Variants in ARHGDIB observed in about 807,000 individuals in gnomAD.
The protein encoded by ARHGDIB is rho GDP-dissociation inhibitor 2.
A neutral mutation model predicts 22.6 loss-of-function variants in ARHGDIB; 20 were observed. The ratio of observed to expected loss-of-function variants is 0.88; its 90% CI spans 0.62 to 1.28. ARHGDIB has a LOEUF of 1.28. Among genes scored for constraint, ARHGDIB ranks in the 50% most tolerant of loss-of-function variants. The probability of loss-of-function intolerance (pLI) is 0.00; values close to 1 mark genes in which losing one functional copy is unlikely to be tolerated. For synonymous variants in ARHGDIB, 114 were observed against 96.1 expected, an observed-to-expected ratio of 1.19 and a Z score of -1.09; for missense variants, 254 against 245.4, an observed-to-expected ratio of 1.04 and a Z score of -0.23.
At chr12:14,958,266 T>A (rs1462739035) in intron 1 of ARHGDIB, among the ~76,000 whole-genome samples, 1 of 152,096 alleles carries the variant, frequency 6.6e-6, no homozygotes, top group Non-Finnish European at 1.5e-5. Flanking sequence ...GAATCCATAC[T>A]CCCCACTTTG....
intron 5 of ARHGDIB, 126 bp from the exon 6 acceptor site, chr12:14,942,847 T>C: frequency 3.7e-6 from 3 of 814,658 alleles, no homozygotes; most frequent in Non-Finnish European, 5.6e-6. Context: ...CAAGCCTAAA[T>C]AAACATTAGA....
At chr12:14,943,377 G>GTTT (rs10713403) in intron 5 of ARHGDIB, among the ~76,000 whole-genome samples, 11 of 143,906 alleles carry the variant, frequency 7.6e-5, no homozygotes, top group South Asian at 4.4e-4. Context: ...GATTAAGCCT[G>GTTT]TTTTTTTTTT....
At chr12:14,950,992 T>G in intron 1 of ARHGDIB, 1 of 265,692 alleles carries the variant, frequency 3.8e-6, no homozygotes, top group Non-Finnish European at 7.2e-6. Flanking sequence ...ATCACTCATA[T>G]GTGAATAACG....
rs369959147 is a variant in ARHGDIB at position 14,950,585 on chromosome 12, T to C, written c.128A>G (p.Glu43Gly). The C allele has an allele frequency of 1.2e-5, 20 of 1,613,932 alleles. No individual in the cohort carries two copies. The highest frequency in any genetic ancestry group is 1.6e-5 in the Non-Finnish European group (19 of 1,179,962). Residue 43 changes from glutamate to glycine, a missense_variant, in exon 2 of 6, where the codon GAG (glutamate) becomes GGG (glycine). Transcript: ENST00000228945. Reference sequence around the variant, plus strand: ...CGTTTTCTTGTACTTAATTAGACTCTCATCATCTTTGTCCATTTCCTGCAG... The same window carrying C: ...CGTTTTCTTGTACTTAATTAGACTCCCATCATCTTTGTCCATTTCCTGCAG... ...KELQEMDKDD[E>G]SLIKYKKTLL...
chr12:14,947,895 T>C lies in ARHGDIB; in HGVS notation c.320A>G (p.Tyr107Cys), dbSNP rs1356667946. 2 of 1,612,874 alleles carry C rather than the reference T, an allele frequency of 1.2e-6. No homozygotes were observed. Among genetic ancestry groups the C allele is most frequent in the African/African-American group, 1.3e-5 (1 of 74,896 alleles). ...ETIVLKEGSE[Y>C]RVKIHFKVNR... is the part of the protein sequence containing the mutation. ...TACTTTGAAGTGAATTTTGACTCTATATTCAGAACCTTCCTTTAACACAAT... is the reference window on the plus strand; with the variant it reads ...TACTTTGAAGTGAATTTTGACTCTACATTCAGAACCTTCCTTTAACACAAT... The change falls in exon 4 of 6, where the codon TAT becomes TGT. Residue 107 changes from tyrosine (Y) to cysteine (C), a missense_variant. Transcript: ENST00000228945.
At position 14,942,719 on chromosome 12, in the gene ARHGDIB, C is replaced by CTT; in HGVS notation, c.408_409insAA (p.Asp137LysfsTer108). The CTT allele has an allele frequency of 6.2e-7, 1 of 1,613,644 alleles. No individual in the cohort carries two copies. The highest frequency in any genetic ancestry group is 8.5e-7 in the Non-Finnish European group (1 of 1,179,932). ...CTGCCAACCATAAATGTTGCTTTAT[C>CTT]CACTAAGAAGAAAGAAGAGTTCATT... On this transcript the variant is annotated frameshift_variant and splice_region_variant, in exon 6 of 6. Transcript: ENST00000228945. LOFTEE classifies it high-confidence loss of function.
intron 4 of ARHGDIB, 82 bp from the exon 5 acceptor site, chr12:14,944,921 T>A (rs942963992): frequency 8.2e-6 from 10 of 1,226,564 alleles, no homozygotes; most frequent in Non-Finnish European, 1.2e-6. Context: ...CCTGCCTAGC[T>A]GAATCGTCTC....
In ARHGDIB at chr12:14,942,546, C is replaced by A. The variant is rs748771676; in HGVS notation, c.582G>T (p.Ser194=). The A allele has an allele frequency of 6.2e-7, 1 of 1,614,072 alleles. No homozygotes were observed. ...QDHLSWEWNL[S]IKKEWTE is the part of the protein sequence containing the mutation. ...TTCATTCTGTCCACTCCTTCTTAAT[C>A]GACAGGTTCCACTCCCAGCTGAGGT... Residue 194 remains serine (S), a synonymous_variant, in exon 6 of 6, where the codon TCG becomes TCT. Transcript: ENST00000228945.
intron 3 of ARHGDIB, 121 bp downstream of exon 3, chr12:14,949,681 G>T: frequency 1.2e-6 from 1 of 848,138 alleles, no homozygotes; most frequent in Non-Finnish European, 2.0e-6. Context: ...TTTGTTAACT[G>T]GTCCTAGCAT....
intron 5 of ARHGDIB, among the ~76,000 whole-genome samples, chr12:14,943,520 C>T (rs183784633): frequency 3.9e-5 from 6 of 152,116 alleles, no homozygotes; most frequent in African/African-American, 1.4e-4. Context: ...TTTGAGCCTC[C>T]ATTTCTTTGT....
Position 14,949,872 on chromosome 12 carries a change from G to A in ARHGDIB, c.195C>T (p.Pro65=), listed in dbSNP as rs770182777. Reference sequence around the variant, plus strand: ...GGGTGAGCCGGGTGACAACGACATTGGGGGCTTTCGGATCTGCAGGATCGA... The same window carrying A: ...GGGTGAGCCGGGTGACAACGACATTAGGGGCTTTCGGATCTGCAGGATCGA... The part of the protein sequence containing the change: ...DGPVVTDPKA[P]NVVVTRLTLV... The change falls in exon 3 of 6, where the codon CCC becomes CCT. Residue 65 remains proline, a synonymous_variant. Transcript: ENST00000228945. The A allele has an allele frequency of 1.9e-6, 3 of 1,613,448 alleles. No individual in the cohort carries two copies. The highest frequency in any genetic ancestry group is 2.2e-5 in the South Asian group (2 of 91,040).
At chr12:14,948,100 GCACACACACACACACA>G (rs56206040) in intron 3 of ARHGDIB, 151 bp from the exon 4 acceptor site, 9 of 437,406 alleles carry the variant, frequency 2.1e-5, no homozygotes, top group Non-Finnish European at 3.0e-5. Context: ...TTTAGTCCTT[GCACACACACACACACA>G]CACACACACA....
intron 5 of ARHGDIB, 146 bp from the exon 6 acceptor site, chr12:14,942,867 G>T: frequency 1.4e-6 from 1 of 711,104 alleles, no homozygotes; most frequent in Non-Finnish European, 2.2e-6. Flanking sequence ...ATTTACCTGA[G>T]GCATCTTTTT....
chr12:14,945,698 T>C (rs146433289), intron 4 of ARHGDIB, among the ~76,000 whole-genome samples: 3 of 152,396 alleles, frequency 2.0e-5, no homozygotes, highest in East Asian at 3.9e-4. Context: ...ATTATGGCTG[T>C]CCTTTTGTGT....
chr12:14,943,377 G>GTTTTTTTTTTTT (rs10713403), intron 5 of ARHGDIB, among the ~76,000 whole-genome samples: 1 of 143,906 alleles, frequency 6.9e-6, no homozygotes, highest in African/African-American at 2.6e-5. Context: ...GATTAAGCCT[G>GTTTTTTTTTTTT]TTTTTTTTTT....
intron 2 of ARHGDIB, 109 bp downstream of exon 2, chr12:14,950,423 T>A: frequency 1.1e-6 from 1 of 949,146 alleles, no homozygotes; most frequent in Non-Finnish European, 1.6e-6. Flanking sequence ...CGCTCACTTT[T>A]TCCTGGAAGC....
intron 1 of ARHGDIB, among the ~76,000 whole-genome samples, chr12:14,953,752 A>C (rs1167296922): frequency 6.6e-6 from 1 of 152,122 alleles, no homozygotes; most frequent in Non-Finnish European, 1.5e-5. Flanking sequence ...CATAACCTCA[A>C]AACTATGGAA....
rs189782904 is a variant in ARHGDIB, at chr12:14,954,741, C to A, written c.-12-4017G>T. Among the ~76,000 whole-genome samples, 14 of 152,324 alleles carry A rather than the reference C, an allele frequency of 9.2e-5. No homozygotes were observed. In the East Asian group the frequency reaches 2.7e-3, roughly 29 times the overall value. On this transcript the variant is annotated intron_variant, in intron 1 of 5. Transcript: ENST00000228945. ...AAGTTACCATTCAGTTACCTTATTT[C>A]ACCTGTGAATATGAGAGAATATCTG...
At chr12:14,953,824 TCTC>T (rs1864236770) in intron 1 of ARHGDIB, among the ~76,000 whole-genome samples, 3 of 149,170 alleles carry the variant, frequency 2.0e-5, no homozygotes, top group African/African-American at 7.7e-5. Flanking sequence ...GCTTGCTCTC[TCTC>T]TCTCTCTCTC....
Sources: gnomAD v4.1 joint callset for allele counts (sites outside exome capture counted in the v4.1 genomes callset) on GRCh38, gnomAD v4.1.1 for gene constraint, MANE v1.5 for transcripts, NCBI Gene and HGNC (gene_info 2026-07-23, HGNC 2026-07-21) for gene names.